Variants in CNTNAP5 observed in about 807,000 individuals in gnomAD.
CNTNAP5 encodes contactin-associated protein-like 5.
A neutral mutation model predicts 150.2 loss-of-function variants in CNTNAP5; 72 were observed. The ratio of observed to expected loss-of-function variants is 0.48; its 90% CI spans 0.40 to 0.58. The LOEUF is 0.58. CNTNAP5 is among the 20% of genes least tolerant of loss of function. The pLI is 0.00. For synonymous variants in CNTNAP5, 672 were observed against 619.8 expected, an observed-to-expected ratio of 1.08 and a Z score of -1.25; for missense variants, 1,636 against 1,626.2, an observed-to-expected ratio of 1.01 and a Z score of -0.10.
chr2:124,669,145 G>A (rs1248485908), intron 13 of CNTNAP5, among the ~76,000 whole-genome samples: 1 of 152,132 alleles, frequency 6.6e-6, no homozygotes, highest in Non-Finnish European at 1.5e-5. Context: ...ATTTCAGTCA[G>A]TTGCACACCT....
chr2:124,811,623 A>G (rs994531966), intron 19 of CNTNAP5, among the ~76,000 whole-genome samples: 10 of 151,278 alleles, frequency 6.6e-5, no homozygotes, highest in African/African-American at 2.4e-4. Flanking sequence ...GAAGGAATGA[A>G]TGAACAATGC....
rs575302453 is a variant in CNTNAP5, at chr2:124,625,629, G to A, written c.1876+15709G>A. On this transcript the variant is annotated intron_variant, in intron 12 of 23. Coordinates refer to ENST00000682447, the MANE Select transcript of CNTNAP5 (RefSeq NM_001367498.1). ...GGGGCTCAGGCCAGGGCCTAGAATC[G>A]CTGCTCTTCTAAGCACTGAACACAG... Among the ~76,000 whole-genome samples, 7 of 152,234 alleles carry A rather than the reference G, an allele frequency of 4.6e-5. No homozygotes were observed. The East Asian group carries it at 5.8e-4, about 13-fold the overall frequency.
At chr2:124,908,251 A>G (rs1041070512) in intron 22 of CNTNAP5, among the ~76,000 whole-genome samples, 14 of 152,000 alleles carry the variant, frequency 9.2e-5, no homozygotes, top group Non-Finnish European at 1.6e-4. Flanking sequence ...CACACCTGTA[A>G]TCCCAGCTAC....
At chr2:124,670,133 T>TTTCCTGCCTTCC (rs1553429562) in intron 13 of CNTNAP5, among the ~76,000 whole-genome samples, 4 of 112,510 alleles carry the variant, frequency 3.6e-5, no homozygotes, top group Non-Finnish European at 7.6e-5. Flanking sequence ...TCCTTCCTTC[T>TTTCCTGCCTTCC]TTCCTTCCTT....
chr2:124,148,885 C>A lies in CNTNAP5; in HGVS notation c.83-72820C>A, dbSNP rs183933125. 1.1e-3 allele frequency among the ~76,000 whole-genome samples: 169 copies of A among 151,426 alleles called. 3 individuals are homozygous for A. The highest frequency in any genetic ancestry group is 5.3e-4 in the Non-Finnish European group (36 of 67,906). On this transcript the variant is annotated intron_variant, in intron 1 of 23. Transcript: ENST00000682447. ...AGAGGTGTATATATATACACACACA[C>A]ATATATGTATGTATATATACACATG...
At chr2:124,828,797 A>T (rs944126707) in intron 19 of CNTNAP5, among the ~76,000 whole-genome samples, 1 of 144,064 alleles carries the variant, frequency 6.9e-6, no homozygotes, top group African/African-American at 2.6e-5. Flanking sequence ...CATTAAAGTA[A>T]GTTTTGTTCA....
chr2:124,578,156 C>CAAAAAA (rs556786620), intron 11 of CNTNAP5, among the ~76,000 whole-genome samples: 114 of 69,430 alleles, frequency 1.6e-3, no homozygotes, highest in Non-Finnish European at 2.1e-3. Context: ...ACTAAAAATA[C>CAAAAAA]AAAAAAAAAA....
chr2:124,327,608 C>T (rs1008388227), intron 3 of CNTNAP5, among the ~76,000 whole-genome samples: 2 of 152,160 alleles, frequency 1.3e-5, no homozygotes, highest in African/African-American at 4.8e-5. Flanking sequence ...CATAATAAAA[C>T]CTTGGTCTCC....
intron 11 of CNTNAP5, among the ~76,000 whole-genome samples, chr2:124,570,753 C>T (rs1696133907): frequency 6.6e-6 from 1 of 151,888 alleles, no homozygotes; most frequent in South Asian, 2.1e-4. Context: ...AAAGCAGGGA[C>T]CTGATATGAA....
rs2104772414 is a variant in CNTNAP5 at position 124,914,910 on chromosome 2, T to C, written c.*622T>C. ...TTTTCAAATATATGATTGCTGATAGTAGTGACCAAAACTACTTTGTTCCTT... is the reference window on the plus strand; with the variant it reads ...TTTTCAAATATATGATTGCTGATAGCAGTGACCAAAACTACTTTGTTCCTT... On this transcript the variant is annotated 3_prime_UTR_variant, in exon 24 of 24. Coordinates refer to ENST00000682447, the MANE Select transcript of CNTNAP5 (RefSeq NM_001367498.1). 6.6e-6 allele frequency: 1 copy of C among 152,166 alleles called. No homozygotes were observed. The highest frequency in any genetic ancestry group is 2.1e-4 in the South Asian group (1 of 4,828). 9.4% of individuals were successfully genotyped at this position (152,166 alleles called of 1,614,324 possible). A position where few individuals can be genotyped will look rare whatever the true frequency, so the allele number is the denominator to read the frequency against.
At chr2:124,305,723 T>C (rs1367250) in intron 3 of CNTNAP5, among the ~76,000 whole-genome samples, 80,284 of 152,044 alleles carry the variant, frequency 0.53, 21,519 homozygotes, top group Non-Finnish European at 0.58. Flanking sequence ...CATTCTCTCT[T>C]GCCTTTCTGC....
chr2:124,630,784 T>C (rs1364473971), intron 12 of CNTNAP5, among the ~76,000 whole-genome samples: 1 of 151,854 alleles, frequency 6.6e-6, no homozygotes, highest in Non-Finnish European at 1.5e-5. Context: ...AGGAAATCAA[T>C]GTCTTTGTTT....
intron 10 of CNTNAP5, among the ~76,000 whole-genome samples, chr2:124,542,435 T>A (rs1305824017): frequency 6.6e-6 from 1 of 151,692 alleles, no homozygotes; most frequent in African/African-American, 2.4e-5. Context: ...CCAGCTGCAT[T>A]TTAACAGGAG....
chr2:124,505,511 A>G (rs190224232), intron 8 of CNTNAP5, among the ~76,000 whole-genome samples: 3 of 152,316 alleles, frequency 2.0e-5, no homozygotes, highest in African/African-American at 7.2e-5. Context: ...AGTACATATG[A>G]CACCAGGGAA....
intron 13 of CNTNAP5, among the ~76,000 whole-genome samples, chr2:124,687,451 G>GT (rs958386611): frequency 6.6e-6 from 1 of 151,880 alleles, no homozygotes; most frequent in Admixed American, 6.6e-5. Context: ...AATATTACCT[G>GT]TTTTTTCTTT....
chr2:124,524,182 G>C, intron 8 of CNTNAP5, 121 bp from the exon 9 acceptor site: 3 of 852,096 alleles, frequency 3.5e-6, no homozygotes, highest in Non-Finnish European at 5.6e-6. Context: ...GTATCCAGCC[G>C]AGTGAGGAGT....
chr2:124,047,045 AGC>A (rs1681557855), intron 1 of CNTNAP5, among the ~76,000 whole-genome samples: 1 of 152,212 alleles, frequency 6.6e-6, no homozygotes, highest in African/African-American at 2.4e-5. Flanking sequence ...TATCAATCAC[AGC>A]CTAAGAATCG....
chr2:124,882,238 G>A (rs1417483157), intron 21 of CNTNAP5, among the ~76,000 whole-genome samples: 2 of 152,030 alleles, frequency 1.3e-5, no homozygotes, highest in African/African-American at 4.8e-5. Flanking sequence ...GTTTGAATAG[G>A]TGAGGTTAGA....
intron 12 of CNTNAP5, among the ~76,000 whole-genome samples, chr2:124,613,364 G>A (rs1321758687): frequency 6.6e-6 from 1 of 152,130 alleles, no homozygotes; most frequent in African/African-American, 2.4e-5. Context: ...AGCACCAGAA[G>A]GCAGGAAAAC....
Sources: gnomAD v4.1 joint callset for allele counts (sites outside exome capture counted in the v4.1 genomes callset) on GRCh38, gnomAD v4.1.1 for gene constraint, MANE v1.5 for transcripts, NCBI Gene and HGNC (gene_info 2026-07-23, HGNC 2026-07-21) for gene names.